Variants in THSD4 observed in about 807,000 individuals in gnomAD.
The protein encoded by THSD4 is thrombospondin type-1 domain-containing protein 4.
Under a neutral mutation model 119.0 loss-of-function variants are expected in THSD4, and 69 were observed. That is an observed-to-expected ratio of 0.58 (90% CI 0.48 to 0.71). The LOEUF (loss-of-function observed/expected upper bound fraction) is 0.71, where lower values mean the gene tolerates loss of function less well. Ranked by LOEUF, THSD4 falls within the 30% of genes least tolerant of loss-of-function variation. The pLI is 0.00. For missense variants in THSD4, 1,393 were observed against 1,391.1 expected (o/e 1.00, Z -0.02); for synonymous variants, 524 against 540.4 (o/e 0.97, Z 0.42).
At chr15:71,391,088 G>A (rs2046371653) in intron 6 of THSD4, among the ~76,000 whole-genome samples, 1 of 150,438 alleles carries the variant, frequency 6.6e-6, no homozygotes, top group Non-Finnish European at 1.5e-5. Flanking sequence ...GAGTGCAGTG[G>A]CACAATCTCG....
At chr15:71,261,664 A>T (rs1270345818) in intron 6 of THSD4, among the ~76,000 whole-genome samples, 1 of 152,136 alleles carries the variant, frequency 6.6e-6, no homozygotes, top group Non-Finnish European at 1.5e-5. Flanking sequence ...TGAAGAGGAG[A>T]TAGGGAAGTG....
chr15:71,447,406 C>T (rs965136710), intron 7 of THSD4, among the ~76,000 whole-genome samples: 5 of 152,148 alleles, frequency 3.3e-5, no homozygotes, highest in African/African-American at 9.7e-5. Context: ...GCAAGGATTA[C>T]AGGCATGAGC....
At chr15:71,136,565 C>T (rs2040553466) in intron 1 of THSD4, among the ~76,000 whole-genome samples, 1 of 152,084 alleles carries the variant, frequency 6.6e-6, no homozygotes, top group Non-Finnish European at 1.5e-5. Flanking sequence ...ATCTCTGGTC[C>T]TCATTCCTTG....
chr15:71,234,221 C>G (rs1322128083), intron 4 of THSD4, among the ~76,000 whole-genome samples: 6 of 152,228 alleles, frequency 3.9e-5, no homozygotes, highest in African/African-American at 1.4e-4. Flanking sequence ...CTTCTGTTCT[C>G]AGGCCCCTAA....
intron 7 of THSD4, among the ~76,000 whole-genome samples, chr15:71,473,440 C>A (rs999633334): frequency 6.6e-6 from 1 of 152,204 alleles, no homozygotes; most frequent in African/African-American, 2.4e-5. Flanking sequence ...CATACCCCAG[C>A]TGGAACCCTG....
intron 7 of THSD4, among the ~76,000 whole-genome samples, chr15:71,609,869 A>G (rs1427475196): frequency 6.7e-5 from 9 of 133,680 alleles, no homozygotes; most frequent in Non-Finnish European, 1.3e-4. Flanking sequence ...AAAAAAAAAG[A>G]AAAAAAGAAA....
At chr15:71,533,366 C>T (rs2048644453) in intron 7 of THSD4, among the ~76,000 whole-genome samples, 2 of 152,132 alleles carry the variant, frequency 1.3e-5, no homozygotes. Context: ...GTTTCATCCT[C>T]GAAATCCCCT....
At chr15:71,182,408 G>T (rs1367203541) in intron 3 of THSD4, among the ~76,000 whole-genome samples, 1 of 151,740 alleles carries the variant, frequency 6.6e-6, no homozygotes, top group East Asian at 1.9e-4. Flanking sequence ...AAGTTATACA[G>T]AGTAGATATT....
chr15:71,399,425 CCT>C (rs1312605088), intron 6 of THSD4, among the ~76,000 whole-genome samples: 1 of 152,176 alleles, frequency 6.6e-6, no homozygotes, highest in Admixed American at 6.5e-5. Flanking sequence ...GTTCCTGTCT[CCT>C]CTCTGTTTTC....
chr15:71,501,369 A>G (rs193194875), intron 7 of THSD4, among the ~76,000 whole-genome samples: 48 of 152,348 alleles, frequency 3.2e-4, no homozygotes, highest in African/African-American at 8.9e-4. Context: ...AATAACTTCA[A>G]TTATCAAAGG....
chr15:71,230,994 C>A (rs1388800145), intron 4 of THSD4, among the ~76,000 whole-genome samples: 1 of 152,152 alleles, frequency 6.6e-6, no homozygotes, highest in Non-Finnish European at 1.5e-5. Context: ...AGCCTCTCCA[C>A]CATTGATTTC....
intron 6 of THSD4, among the ~76,000 whole-genome samples, chr15:71,364,044 C>A (rs184672641): frequency 1.3e-5 from 2 of 152,290 alleles, no homozygotes; most frequent in East Asian, 3.9e-4. Context: ...GATGGTTGAA[C>A]TCTAGACAGG....
At chr15:71,694,024 AAAGAAAGAAAG>A (rs1268765017) in intron 8 of THSD4, among the ~76,000 whole-genome samples, 1 of 149,076 alleles carries the variant, frequency 6.7e-6, no homozygotes, top group Non-Finnish European at 1.5e-5. Flanking sequence ...CAAAAAAAAA[AAAGAAAGAAAG>A]AAAGAAAGAA....
At chr15:71,517,123 G>C (rs947001432) in intron 7 of THSD4, among the ~76,000 whole-genome samples, 1 of 152,108 alleles carries the variant, frequency 6.6e-6, no homozygotes, top group Non-Finnish European at 1.5e-5. Context: ...TCAAAAGAAA[G>C]GTGAATTAAT....
chr15:71,439,151 T>C (rs1357462417), intron 7 of THSD4, among the ~76,000 whole-genome samples: 1 of 152,218 alleles, frequency 6.6e-6, no homozygotes, highest in East Asian at 1.9e-4. Context: ...AAATCACTGC[T>C]CCCATAGGCG....
intron 7 of THSD4, among the ~76,000 whole-genome samples, chr15:71,476,879 C>T (rs1259687496): frequency 3.3e-5 from 5 of 152,138 alleles, no homozygotes; most frequent in African/African-American, 9.7e-5. Flanking sequence ...CTTCAGGAGC[C>T]CCAGCTGCCT....
chr15:71,149,108 A>G (rs1232597280), intron 2 of THSD4, among the ~76,000 whole-genome samples: 2 of 148,566 alleles, frequency 1.3e-5, no homozygotes, highest in South Asian at 2.1e-4. Flanking sequence ...GTGCGATCTC[A>G]GCTCACTGCA....
At chr15:71,655,182 C>T (rs11072316) in intron 7 of THSD4, among the ~76,000 whole-genome samples, 56,082 of 152,014 alleles carry the variant, frequency 0.37, 11,307 homozygotes, top group East Asian at 0.89. Flanking sequence ...AATATCTATT[C>T]TGAACAGCAG....
At chr15:71,265,477 C>T (rs1314238315) in intron 6 of THSD4, among the ~76,000 whole-genome samples, 4 of 152,136 alleles carry the variant, frequency 2.6e-5, no homozygotes, top group Non-Finnish European at 4.4e-5. Context: ...GAGATTCCCT[C>T]GGGTGCCTAC....
Sources: allele counts gnomAD v4.1 joint callset (sites outside exome capture counted in the v4.1 genomes callset), GRCh38; gene constraint gnomAD v4.1.1; transcripts MANE v1.5; gene names NCBI Gene and HGNC (gene_info 2026-07-23, HGNC 2026-07-21).